UBE2H: variants seen among roughly 807,000 people sequenced by gnomAD.
The protein encoded by UBE2H is ubiquitin-conjugating enzyme E2 H.
A neutral mutation model predicts 29.0 loss-of-function variants in UBE2H; 3 were observed. That is an observed-to-expected ratio of 0.10 (90% CI 0.05 to 0.27). The LOEUF (loss-of-function observed/expected upper bound fraction) is 0.27, where lower values mean the gene tolerates loss of function less well. Among genes scored for constraint, UBE2H ranks in the 10% least tolerant of loss-of-function variants. The pLI is 1.00. For synonymous variants in UBE2H, 69 were observed against 82.9 expected (o/e 0.83, Z 0.91); for missense variants, 68 against 228.2 (o/e 0.30, Z 4.52).
chr7:129,922,385 A>C (rs953269639), intron 1 of UBE2H, among the ~76,000 whole-genome samples: 2 of 151,944 alleles, frequency 1.3e-5, no homozygotes, highest in African/African-American at 2.4e-5. Flanking sequence ...TCTTGGGCTC[A>C]AGTGATTCTC....
intron 1 of UBE2H, among the ~76,000 whole-genome samples, chr7:129,887,547 G>A (rs979215057): frequency 1.3e-5 from 2 of 152,078 alleles, no homozygotes; most frequent in African/African-American, 4.8e-5. Flanking sequence ...TGAGGCCCAT[G>A]CCTGGCCTCT....
intron 3 of UBE2H, among the ~76,000 whole-genome samples, chr7:129,864,442 G>T (rs1805858513): frequency 6.6e-6 from 1 of 152,056 alleles, no homozygotes; most frequent in African/African-American, 2.4e-5. Flanking sequence ...TATTTTAAGA[G>T]AACATATTTT....
chr7:129,909,326 G>C (rs1348955890), intron 1 of UBE2H, among the ~76,000 whole-genome samples: 2 of 152,120 alleles, frequency 1.3e-5, no homozygotes, highest in East Asian at 3.8e-4. Context: ...GGCAGGCAGG[G>C]GGTAGGTATT....
chr7:129,877,238 T>A (rs1304642831), intron 3 of UBE2H, among the ~76,000 whole-genome samples: 1 of 152,220 alleles, frequency 6.6e-6, no homozygotes, highest in East Asian at 1.9e-4. Context: ...CACAGCTGAT[T>A]GTTTAAAAGC....
intron 5 of UBE2H, among the ~76,000 whole-genome samples, chr7:129,850,184 T>A (rs1012506843): frequency 1.3e-5 from 2 of 151,852 alleles, no homozygotes; most frequent in African/African-American, 4.8e-5. Flanking sequence ...CTGGACAACA[T>A]AGTGACACCC....
intron 1 of UBE2H, among the ~76,000 whole-genome samples, chr7:129,891,999 C>A (rs1264438732): frequency 7.2e-6 from 1 of 138,002 alleles, no homozygotes; most frequent in Non-Finnish European, 1.6e-5. Context: ...GTTGCCCAGA[C>A]TGGAGTGTAG....
intron 1 of UBE2H, among the ~76,000 whole-genome samples, chr7:129,915,337 C>G (rs1807022659): frequency 6.6e-6 from 1 of 152,034 alleles, no homozygotes; most frequent in Non-Finnish European, 1.5e-5. Flanking sequence ...GAGATCGAGA[C>G]CATCCTGGCT....
chr7:129,865,020 T>C (rs1317877494), intron 3 of UBE2H: 2 of 430,168 alleles, frequency 4.6e-6, no homozygotes, highest in Middle Eastern at 3.4e-4. Flanking sequence ...CTTACCCTTC[T>C]CTGTCCTGCG....
At chr7:129,851,842 T>G (rs142058853) in intron 5 of UBE2H, among the ~76,000 whole-genome samples, 167 of 152,270 alleles carry the variant, frequency 1.1e-3, no homozygotes, top group African/African-American at 3.6e-3. Context: ...CACATACACC[T>G]CATCTGAAGA....
chr7:129,834,811 A>G lies in UBE2H; in HGVS notation c.*126T>C. The G allele has an allele frequency of 1.9e-6, 2 of 1,029,338 alleles. No homozygotes were observed. Among genetic ancestry groups the G allele is most frequent in the Non-Finnish European group, 2.8e-6 (2 of 726,692 alleles). The allele number at this position is 1,029,338 out of a possible 1,614,324, so 63.8% of individuals were successfully genotyped here. Reference sequence around the variant, plus strand: ...GGGTGATATATAATATATATATATCAATGCTATTATTCATAAAAACCTTGT... The same window carrying G: ...GGGTGATATATAATATATATATATCGATGCTATTATTCATAAAAACCTTGT... On this transcript the variant is annotated 3_prime_UTR_variant, in exon 7 of 7. Transcript: ENST00000355621.
intron 1 of UBE2H, among the ~76,000 whole-genome samples, chr7:129,890,275 GTATA>G (rs201263387): frequency 1.3e-5 from 2 of 150,310 alleles, no homozygotes; most frequent in Non-Finnish European, 3.0e-5. Context: ...ATATACACAC[GTATA>G]TATATACACG....
chr7:129,902,000 G>GA, intron 1 of UBE2H, among the ~76,000 whole-genome samples: 1 of 152,286 alleles, frequency 6.6e-6, no homozygotes, highest in East Asian at 1.9e-4. Flanking sequence ...TTAACATGAT[G>GA]AGACAACAAG....
chr7:129,896,800 G>A (rs533843659), intron 1 of UBE2H, among the ~76,000 whole-genome samples: 3 of 152,304 alleles, frequency 2.0e-5, no homozygotes, highest in African/African-American at 7.2e-5. Flanking sequence ...CTAAGTCAGT[G>A]CACAAAAATC....
At chr7:129,915,002 G>A (rs183379269) in intron 1 of UBE2H, among the ~76,000 whole-genome samples, 211 of 152,258 alleles carry the variant, frequency 1.4e-3, no homozygotes, top group Non-Finnish European at 2.2e-3. Context: ...TAATGTGTCT[G>A]GCACACAGTA....
At chr7:129,838,390 A>C (rs906171103) in intron 6 of UBE2H, among the ~76,000 whole-genome samples, 1 of 152,202 alleles carries the variant, frequency 6.6e-6, no homozygotes, top group East Asian at 1.9e-4. Context: ...CCTCTTGCAA[A>C]TGTACCTCAG....
chr7:129,857,125 C>A (rs1427346776), intron 5 of UBE2H: 2 of 165,102 alleles, frequency 1.2e-5, no homozygotes, highest in Non-Finnish European at 2.6e-5. Flanking sequence ...CTTACTATAT[C>A]ATTGCTCTCT....
intron 1 of UBE2H, among the ~76,000 whole-genome samples, chr7:129,930,801 C>G (rs11765073): frequency 0.58 from 86,735 of 149,114 alleles, 25,479 homozygotes; most frequent in Middle Eastern, 0.71. Flanking sequence ...CCAGCTACTC[C>G]GGAGGCTGAG....
chr7:129,952,382 G>A (rs1807895918), intron 1 of UBE2H, 121 bp downstream of exon 1: 2 of 1,247,082 alleles, frequency 1.6e-6, no homozygotes, highest in South Asian at 1.6e-5. Context: ...ACTGGGGGAG[G>A]AGGGGAGTCT....
chr7:129,920,395 G>A (rs75113660), intron 1 of UBE2H, among the ~76,000 whole-genome samples: 9,472 of 151,856 alleles, frequency 0.062, 365 homozygotes, highest in Non-Finnish European at 0.091. Flanking sequence ...TGTATATAAC[G>A]GTGAAAAACT....
Sources: allele counts gnomAD v4.1 joint callset (sites outside exome capture counted in the v4.1 genomes callset), GRCh38; gene constraint gnomAD v4.1.1; transcripts MANE v1.5; gene names NCBI Gene and HGNC (gene_info 2026-07-23, HGNC 2026-07-21).